The following LY75 variants were observed in gnomAD, a reference collection of about 807,000 sequenced individuals.
The protein encoded by LY75 is C-type lectin domain family 13 member B.
LY75 carries 185 observed loss-of-function variants against 231.7 expected under a neutral mutation model. The ratio of observed to expected loss-of-function variants is 0.80; its 90% CI spans 0.71 to 0.90. The LOEUF is 0.90. Ranked by LOEUF, LY75 falls within the 40% of genes least tolerant of loss-of-function variation. The pLI is 0.00. For missense variants in LY75, 1,947 were observed against 2,050.2 expected (o/e 0.95, Z 0.97); for synonymous variants, 668 against 689.0 (o/e 0.97, Z 0.48).
At chr2:159,806,848 A>T in intron 34 of LY75, 125 bp downstream of exon 34, 1 of 1,153,352 alleles carries the variant, frequency 8.7e-7, no homozygotes, top group Non-Finnish European at 1.2e-6. Context: ...TAATCAAGAT[A>T]GTTGGATATA....
intron 23 of LY75, among the ~76,000 whole-genome samples, chr2:159,847,000 TTC>T (rs1447697293): frequency 2.0e-5 from 3 of 152,158 alleles, no homozygotes; most frequent in Non-Finnish European, 4.4e-5. Flanking sequence ...CAATTTTATT[TTC>T]TCTCTCTTTT....
chr2:159,887,211 T>TCTCACACACACACACA (rs1553812719), intron 4 of LY75, among the ~76,000 whole-genome samples: 2 of 129,970 alleles, frequency 1.5e-5, no homozygotes, highest in East Asian at 4.4e-4. Context: ...AGAGTGAGAG[T>TCTCACACACACACACA]CACACACACA....
At chr2:159,876,826 T>C (rs1284762352) in intron 11 of LY75, among the ~76,000 whole-genome samples, 2 of 151,400 alleles carry the variant, frequency 1.3e-5, no homozygotes, top group African/African-American at 2.4e-5. Context: ...GCCAAAATGG[T>C]GAAACTCCGT....
At chr2:159,848,670 A>T (rs1490323805) in intron 23 of LY75, among the ~76,000 whole-genome samples, 2 of 152,180 alleles carry the variant, frequency 1.3e-5, no homozygotes, top group African/African-American at 4.8e-5. Flanking sequence ...TCAAGAAAAC[A>T]GTGTATGGAA....
Position 159,819,933 on chromosome 2 carries a change from C to T in LY75, c.3959-13G>A, listed in dbSNP as rs778703314. ...ATAAGAGACTTATCTAGAGAAGAAA[C>T]ATTTTTTCCTATGCTTAGAGATTAA... is the stretch of plus-strand genomic sequence containing the variant. On this transcript the variant is annotated splice_polypyrimidine_tract_variant and intron_variant, in intron 28 of 34. Coordinates refer to ENST00000263636, the MANE Select transcript of LY75 (RefSeq NM_002349.4). 1 of 1,486,196 alleles carries T rather than the reference C, an allele frequency of 6.7e-7. No homozygotes were observed. The highest frequency in any genetic ancestry group is 2.4e-5 in the Admixed American group (1 of 41,494). The allele number at this position is 1,486,196 out of a possible 1,614,324, so 92.1% of individuals were successfully genotyped here.
chr2:159,875,279 C>T (rs1685230890), intron 12 of LY75, among the ~76,000 whole-genome samples, 165 bp downstream of exon 12: 1 of 151,884 alleles, frequency 6.6e-6, no homozygotes, highest in South Asian at 2.1e-4. Flanking sequence ...GGCTGAGGCA[C>T]CTCACACCAG....
intron 2 of LY75, among the ~76,000 whole-genome samples, chr2:159,894,506 G>A (rs1461373947): frequency 2.6e-5 from 4 of 152,240 alleles, no homozygotes; most frequent in African/African-American, 9.6e-5. Flanking sequence ...TCTTTAGAAA[G>A]TGTTGGAGCC....
intron 28 of LY75, 25 bp downstream of exon 28, chr2:159,831,641 TAGAG>T (rs1683663693): frequency 1.2e-6 from 2 of 1,604,870 alleles, no homozygotes; most frequent in Admixed American, 3.4e-5. Context: ...CAAAAACAAA[TAGAG>T]AAAGTTGGCA....
chr2:159,872,462 C>A lies in LY75; in HGVS notation c.2106G>T (p.Thr702=). The A allele has an allele frequency of 6.2e-7, 1 of 1,613,370 alleles. No individual in the cohort carries two copies. Among genetic ancestry groups the A allele is most frequent in the Non-Finnish European group, 8.5e-7 (1 of 1,179,706 alleles). The part of the protein sequence containing the change: ...DEIKEFLHFL[T]DQFSGQHWLW... ...TCTTAAAGTATTACCTGAACTGGTC[C>A]GTTAAAAAGTGAAGAAATTCCTTTA... Residue 702 remains threonine, a synonymous_variant, in exon 13 of 35, where the codon ACG becomes ACT. Coordinates refer to ENST00000263636, the MANE Select transcript of LY75 (RefSeq NM_002349.4).
rs745491751 is a variant in LY75, at chr2:159,899,049, G to C, written c.105C>G (p.Pro35=). Residue 35 remains proline (P), a synonymous_variant, in exon 2 of 35, where the codon CCC becomes CCG. Transcript: ENST00000263636. ...AEPSGRAAND[P]FTIVHGNTGK... is the part of the protein sequence containing the mutation. ...CCGTATTTCCATGGACGATGGTGAAGGGGTCATTAGCTGAGTCAAATGGAC... is the reference window on the plus strand; with the variant it reads ...CCGTATTTCCATGGACGATGGTGAACGGGTCATTAGCTGAGTCAAATGGAC... 4.3e-6 allele frequency: 7 copies of C among 1,612,364 alleles called. No homozygotes were observed. Among genetic ancestry groups the C allele is most frequent in the Non-Finnish European group, 5.9e-6 (7 of 1,179,196 alleles).
At position 159,875,637 on chromosome 2, in the gene LY75, G is replaced by A. The variant is rs867202407; in HGVS notation, c.1781C>T (p.Pro594Leu). Residue 594 changes from proline (P) to leucine (L), a missense_variant, in exon 12 of 35, where the codon CCG becomes CTG. Pro to Leu is a moderately conservative substitution (Grantham distance 98). Transcript: ENST00000263636. ...SNWNFLEPAS[P>L]GGCVAMSTGK... ...AGTAGACATAGCCACGCAGCCGCCC[G>A]GGGAAGCTGGGATTGAAGTGGAAAG... 1.5e-5 allele frequency: 24 copies of A among 1,613,298 alleles called. No individual in the cohort carries two copies. The highest frequency in any genetic ancestry group is 3.3e-5 in the Admixed American group (2 of 59,868).
At chr2:159,807,956 C>G (rs1682837119) in intron 33 of LY75, 1 of 944,844 alleles carries the variant, frequency 1.1e-6, no homozygotes, top group African/African-American at 1.8e-5. Context: ...TCACACCAAC[C>G]TAACACTAAG....
At chr2:159,896,730 A>G (rs1017095077) in intron 2 of LY75, among the ~76,000 whole-genome samples, 2 of 152,142 alleles carry the variant, frequency 1.3e-5, no homozygotes, top group African/African-American at 4.8e-5. Context: ...ATTATATTGG[A>G]GTGGTGGAAG....
intron 9 of LY75, 92 bp downstream of exon 9, chr2:159,879,162 CTATTT>C (rs1489525927): frequency 3.7e-6 from 5 of 1,358,962 alleles, no homozygotes; most frequent in East Asian, 2.4e-5. Flanking sequence ...GTAGTTTCCT[CTATTT>C]TATAAGTCTG....
At chr2:159,852,408 G>C in intron 20 of LY75, 68 bp from the exon 21 acceptor site, 1 of 1,472,436 alleles carries the variant, frequency 6.8e-7, no homozygotes, top group African/African-American at 2.0e-5. Flanking sequence ...ATTTTGTTTT[G>C]TGTGTTTTTT....
chr2:159,873,031 G>A (rs1222643641), intron 12 of LY75, among the ~76,000 whole-genome samples: 12 of 152,042 alleles, frequency 7.9e-5, no homozygotes, highest in Non-Finnish European at 1.5e-4. Flanking sequence ...TTTCTGACGA[G>A]GAACAACCAA....
rs762463207 is a variant in LY75 at position 159,853,660 on chromosome 2, C to T, written c.2633G>A (p.Ser878Asn). 19 of 1,613,386 alleles carry T rather than the reference C, an allele frequency of 1.2e-5. No homozygotes were observed. In the African/African-American group the frequency reaches 1.2e-4, roughly 10 times the overall value. The change falls in exon 19 of 35, where the codon AGC becomes AAC. Residue 878 changes from serine to asparagine, a missense_variant. Ser to Asn is a conservative substitution (Grantham distance 46). Coordinates refer to ENST00000263636, the MANE Select transcript of LY75 (RefSeq NM_002349.4). ...AAAATGATCATCTATTGGCCACTCG[C>T]TAATTCTTATCCACCACTTCTGTCC... ...GDGQKWWIRI[S>N]EWPIDDHFTY...
intron 14 of LY75, among the ~76,000 whole-genome samples, chr2:159,864,022 T>C (rs1161426771): frequency 6.6e-6 from 1 of 152,312 alleles, no homozygotes; most frequent in East Asian, 1.9e-4. Flanking sequence ...GGCTGTACCA[T>C]CTAGATTTGT....
intron 31 of LY75, among the ~76,000 whole-genome samples, chr2:159,814,722 AAAG>A (rs1220920616): frequency 9.2e-5 from 14 of 151,626 alleles, no homozygotes; most frequent in African/African-American, 3.4e-4. Flanking sequence ...AAAGAAAAGA[AAAG>A]AAAAGAAACT....
Sources: gnomAD v4.1 joint callset for allele counts (sites outside exome capture counted in the v4.1 genomes callset) on GRCh38, gnomAD v4.1.1 for gene constraint, MANE v1.5 for transcripts, NCBI Gene and HGNC (gene_info 2026-07-23, HGNC 2026-07-21) for gene names.